Variants in KIF16B observed in about 807,000 individuals in gnomAD.
The protein encoded by KIF16B is kinesin family member 16B.
In KIF16B, 98 loss-of-function variants were observed where a neutral mutation model predicts 156.3. The observed-to-expected ratio is 0.63, with a 90% confidence interval of 0.53 to 0.74. The LOEUF (loss-of-function observed/expected upper bound fraction) is 0.74, where lower values mean the gene tolerates loss of function less well. KIF16B is among the 30% of genes least tolerant of loss of function. The pLI is 0.00. For missense variants in KIF16B, 1,421 were observed against 1,606.5 expected (o/e 0.88, Z 1.97); for synonymous variants, 564 against 583.7 (o/e 0.97, Z 0.49).
intron 25 of KIF16B, among the ~76,000 whole-genome samples, chr20:16,280,841 C>CGTGTGTGTGTGTGTGT (rs1555833614): frequency 7.9e-4 from 59 of 74,458 alleles, no homozygotes; most frequent in African/African-American, 2.9e-3. Flanking sequence ...TGCGCGCGCA[C>CGTGTGTGTGTGTGTGT]GTGTGTGTGT....
intron 17 of KIF16B, among the ~76,000 whole-genome samples, chr20:16,400,645 G>C (rs935953781): frequency 3.9e-5 from 6 of 152,198 alleles, no homozygotes; most frequent in African/African-American, 1.4e-4. Flanking sequence ...TAAACAAAAT[G>C]TGGTATATCC....
At chr20:16,331,562 T>C (rs1051635831) in intron 24 of KIF16B, among the ~76,000 whole-genome samples, 1 of 152,232 alleles carries the variant, frequency 6.6e-6, no homozygotes, top group South Asian at 2.1e-4. Flanking sequence ...TTAATATGTG[T>C]CATTTAAAAA....
intron 12 of KIF16B, among the ~76,000 whole-genome samples, chr20:16,449,480 A>C (rs2067022255): frequency 6.6e-6 from 1 of 152,234 alleles, no homozygotes; most frequent in South Asian, 2.1e-4. Flanking sequence ...CTTCATGTGC[A>C]AAAGTAGCAA....
chr20:16,461,099 A>G (rs1377294169), intron 12 of KIF16B, among the ~76,000 whole-genome samples: 1 of 152,060 alleles, frequency 6.6e-6, no homozygotes, highest in Non-Finnish European at 1.5e-5. Flanking sequence ...TAAGGAAATA[A>G]GACATGCAGA....
intron 25 of KIF16B, among the ~76,000 whole-genome samples, chr20:16,305,869 T>C (rs1294615854): frequency 6.6e-6 from 1 of 152,190 alleles, no homozygotes; most frequent in Non-Finnish European, 1.5e-5. Context: ...TGAATAATAT[T>C]CCATTGTGTA....
intron 12 of KIF16B, among the ~76,000 whole-genome samples, chr20:16,441,574 AT>A (rs1377151400): frequency 6.6e-6 from 1 of 152,216 alleles, no homozygotes; most frequent in African/African-American, 2.4e-5. Flanking sequence ...TATCAAAAAA[AT>A]ATCAGGCTTG....
chr20:16,468,743 T>G (rs1322604070), intron 12 of KIF16B, among the ~76,000 whole-genome samples: 3 of 152,064 alleles, frequency 2.0e-5, no homozygotes, highest in Non-Finnish European at 4.4e-5. Flanking sequence ...ATTAGAGAGT[T>G]GAAGATTTCC....
intron 1 of KIF16B, among the ~76,000 whole-genome samples, chr20:16,535,379 A>G (rs1246259826): frequency 6.6e-6 from 1 of 152,352 alleles, no homozygotes; most frequent in East Asian, 1.9e-4. Context: ...ATCAGTTCTA[A>G]GAGTTTTTAG....
At chr20:16,551,135 T>TC (rs1453233524) in intron 1 of KIF16B, among the ~76,000 whole-genome samples, 1 of 107,270 alleles carries the variant, frequency 9.3e-6, no homozygotes, top group Non-Finnish European at 2.3e-5. Flanking sequence ...TTCTCTTCTT[T>TC]TTTTTTTTTT....
At chr20:16,340,106 T>C (rs1333742481) in intron 23 of KIF16B, among the ~76,000 whole-genome samples, 1 of 152,210 alleles carries the variant, frequency 6.6e-6, no homozygotes, top group Admixed American at 6.5e-5. Flanking sequence ...ACAACCACTT[T>C]CTTCCTTGCT....
Position 16,504,527 on chromosome 20 carries a change from T to C in KIF16B, c.1021A>G (p.Asn341Asp). 6.2e-7 allele frequency: 1 copy of C among 1,613,910 alleles called. No individual in the cohort carries two copies. The highest frequency in any genetic ancestry group is 8.5e-7 in the Non-Finnish European group (1 of 1,179,844). The change falls in exon 10 of 26, where the codon AAT (asparagine) becomes GAT (aspartate). Residue 341 changes from asparagine (N) to aspartate (D), a missense_variant. Asn to Asp is a conservative substitution (Grantham distance 23). Coordinates refer to ENST00000354981, the MANE Select transcript of KIF16B (RefSeq NM_024704.5). Reference protein sequence around the residue: ...MIATISPADVNYGETLSTLRY... With the variant: ...MIATISPADVDYGETLSTLRY... The stretch of plus-strand genomic sequence containing the variant: ...AGAGTACTTAGGGTTTCTCCATAAT[T>C]GACATCAGCAGGTGAAATGGCTGTG...
At chr20:16,370,839 T>C (rs1028050572) in intron 21 of KIF16B, among the ~76,000 whole-genome samples, 1 of 152,118 alleles carries the variant, frequency 6.6e-6, no homozygotes. Context: ...ACTGAAACAC[T>C]TACTCCTAAT....
intron 12 of KIF16B, among the ~76,000 whole-genome samples, chr20:16,431,537 T>A (rs2066499961): frequency 1.3e-5 from 2 of 152,144 alleles, no homozygotes; most frequent in Admixed American, 1.3e-4. Context: ...GTCACTGCTA[T>A]CCTTCTCTTC....
At chr20:16,427,265 A>G in intron 14 of KIF16B, 24 bp from the exon 15 acceptor site, 1 of 1,594,196 alleles carries the variant, frequency 6.3e-7, no homozygotes, top group Non-Finnish European at 8.5e-7. Context: ...ACAAAGTAGA[A>G]AGAATTTTTC....
chr20:16,568,007 C>T (rs528010512), intron 1 of KIF16B, among the ~76,000 whole-genome samples: 1 of 152,292 alleles, frequency 6.6e-6, no homozygotes, highest in South Asian at 2.1e-4. Context: ...ACAGATACTT[C>T]CCGTCCTTAA....
intron 23 of KIF16B, among the ~76,000 whole-genome samples, chr20:16,336,600 C>G (rs1011267425): frequency 3.9e-5 from 6 of 152,120 alleles, no homozygotes; most frequent in Non-Finnish European, 8.8e-5. Context: ...GCTCTAGACC[C>G]ACATACCCAA....
At position 16,378,820 on chromosome 20, in the gene KIF16B, TC is replaced by T. The variant is rs745707557; in HGVS notation, c.3181del (p.Glu1061ArgfsTer7). ...CCAATCTCACCTCTCCTGGTCCTTCTCCAGGGCTTCCTGCTCAGCCTCCAGG... is the reference window on the plus strand; with the variant it reads ...CCAATCTCACCTCTCCTGGTCCTTCTCAGGGCTTCCTGCTCAGCCTCCAGG... The part of the protein sequence containing the change: ...ASLEAEQEAL[E>X]KDQERLEYEI... On this transcript the variant is annotated frameshift_variant, in exon 19 of 26. Coordinates refer to ENST00000354981, the MANE Select transcript of KIF16B (RefSeq NM_024704.5). LOFTEE classifies it high-confidence loss of function. 3.2e-5 allele frequency: 51 copies of T among 1,609,990 alleles called. No homozygotes were observed. The South Asian group carries it at 5.5e-4, about 17-fold the overall frequency.
chr20:16,420,471 C>T (rs1300747069), intron 15 of KIF16B, among the ~76,000 whole-genome samples: 1 of 151,880 alleles, frequency 6.6e-6, no homozygotes, highest in Non-Finnish European at 1.5e-5. Context: ...CAGAAATTTA[C>T]TAATGAAAAG....
At position 16,364,926 on chromosome 20, in the gene KIF16B, C is replaced by T. The variant is rs144946703; in HGVS notation, c.3498+5660G>A. Among the ~76,000 whole-genome samples the T allele has an allele frequency of 2.8e-3, 420 of 152,322 alleles. 2 individuals carry two copies. Among genetic ancestry groups the T allele is most frequent in the African/African-American group, 9.6e-3 (397 of 41,560 alleles). On this transcript the variant is annotated intron_variant, in intron 22 of 25. Transcript: ENST00000354981. ...GAGAAATCCTAAAGGCCATGATTTA[C>T]AACATGGTGGAATTATGCTTCTGTA...
Sources: allele counts gnomAD v4.1 joint callset (sites outside exome capture counted in the v4.1 genomes callset), GRCh38; gene constraint gnomAD v4.1.1; transcripts MANE v1.5; gene names NCBI Gene and HGNC (gene_info 2026-07-23, HGNC 2026-07-21).